Variants in GNA12 observed in about 807,000 individuals in gnomAD.
The protein encoded by GNA12 is guanine nucleotide-binding protein subunit alpha-12.
GNA12 carries 9 observed loss-of-function variants against 26.0 expected under a neutral mutation model. The ratio of observed to expected loss-of-function variants is 0.35; its 90% confidence interval spans 0.21 to 0.60. GNA12 has a LOEUF of 0.60. Among genes scored for constraint, GNA12 ranks in the 20% least tolerant of loss-of-function variants. GNA12 has a pLI of 0.78. For synonymous variants in GNA12, 264 were observed against 219.6 expected (o/e 1.20, Z -1.79); for missense variants, 405 against 525.8 (o/e 0.77, Z 2.25).
chr7:2,779,881 A>G (rs1317652630), intron 2 of GNA12, among the ~76,000 whole-genome samples: 2 of 152,040 alleles, frequency 1.3e-5, no homozygotes, highest in African/African-American at 4.8e-5. Context: ...TACAGGAGTG[A>G]GCCAGCAGGC....
At chr7:2,740,663 C>A (rs1790452828) in intron 2 of GNA12, among the ~76,000 whole-genome samples, 1 of 152,148 alleles carries the variant, frequency 6.6e-6, no homozygotes, top group South Asian at 2.1e-4. Context: ...TAATACTGGG[C>A]AATGGGTTTA....
At chr7:2,766,224 T>C (rs1479790583) in intron 2 of GNA12, among the ~76,000 whole-genome samples, 1 of 152,222 alleles carries the variant, frequency 6.6e-6, no homozygotes, top group African/African-American at 2.4e-5. Context: ...CTTCTGCGAC[T>C]GGCTTATTTC....
chr7:2,758,117 C>T (rs1791388860), intron 2 of GNA12, among the ~76,000 whole-genome samples: 1 of 152,138 alleles, frequency 6.6e-6, no homozygotes, highest in Non-Finnish European at 1.5e-5. Context: ...TTATGGAAAG[C>T]CCCTCTATTT....
chr7:2,753,477 A>T (rs957561653), intron 2 of GNA12, among the ~76,000 whole-genome samples: 1 of 152,090 alleles, frequency 6.6e-6, no homozygotes, highest in Non-Finnish European at 1.5e-5. Flanking sequence ...CACTCAACAT[A>T]ATGTCCTTGG....
chr7:2,765,412 G>T (rs1462163344), intron 2 of GNA12, among the ~76,000 whole-genome samples: 1 of 151,754 alleles, frequency 6.6e-6, no homozygotes, highest in Non-Finnish European at 1.5e-5. Flanking sequence ...GCCCGCCTCG[G>T]CCTCCTAAAA....
intron 2 of GNA12, among the ~76,000 whole-genome samples, chr7:2,779,505 C>CA (rs879328315): frequency 1.3e-3 from 187 of 142,302 alleles, no homozygotes; most frequent in African/African-American, 2.8e-3. Flanking sequence ...GTGAGACTCT[C>CA]AAAAAAAAAA....
chr7:2,756,135 A>T (rs1286379331), intron 2 of GNA12, among the ~76,000 whole-genome samples: 1 of 152,248 alleles, frequency 6.6e-6, no homozygotes, highest in Non-Finnish European at 1.5e-5. Context: ...AGAGTGCAGA[A>T]ACAGGCCCCC....
intron 1 of GNA12, among the ~76,000 whole-genome samples, chr7:2,795,951 G>A (rs527761908): frequency 6.6e-6 from 1 of 151,670 alleles, no homozygotes; most frequent in South Asian, 2.1e-4. Flanking sequence ...CTCCTAAGTA[G>A]CTAGGATTAC....
chr7:2,813,308 A>C (rs1793130515), intron 1 of GNA12, among the ~76,000 whole-genome samples: 1 of 152,248 alleles, frequency 6.6e-6, no homozygotes, highest in South Asian at 2.1e-4. Context: ...GGCTTTCTCC[A>C]CAGTCATGTT....
In GNA12 at chr7:2,844,170, A is replaced by AGGCCGC; in HGVS notation, c.-15_-10dup. ...CGCACCACCCCGGACATGGCCCCTC[A>AGGCCGC]GGCCGCGGCCGCGCCCCGCCGGCGC... On this transcript the variant is annotated 5_prime_UTR_variant, in exon 1 of 4. Transcript: ENST00000275364. The AGGCCGC allele has an allele frequency of 1.0e-6, 1 of 981,598 alleles. No homozygotes were observed. The highest frequency in any genetic ancestry group is 1.2e-6 in the Non-Finnish European group (1 of 829,062). 60.8% of individuals were successfully genotyped at this position (981,598 alleles called of 1,614,324 possible).
At chr7:2,770,599 G>A (rs1791922962) in intron 2 of GNA12, among the ~76,000 whole-genome samples, 1 of 152,114 alleles carries the variant, frequency 6.6e-6, no homozygotes, top group African/African-American at 2.4e-5. Flanking sequence ...AAAAGCCACT[G>A]AGCTCCAGCC....
chr7:2,840,062 A>G (rs138815936), intron 1 of GNA12, among the ~76,000 whole-genome samples: 33 of 152,242 alleles, frequency 2.2e-4, no homozygotes, highest in Middle Eastern at 3.4e-3. Context: ...AGTGGCTACA[A>G]AAGAGCAACA....
chr7:2,765,834 T>G (rs555491647), intron 2 of GNA12, among the ~76,000 whole-genome samples: 162 of 152,152 alleles, frequency 1.1e-3, no homozygotes, highest in African/African-American at 3.5e-3. Flanking sequence ...TTTCACCATG[T>G]TGGCCAGGCT....
intron 2 of GNA12, among the ~76,000 whole-genome samples, chr7:2,771,819 GATA>G (rs1267408420): frequency 6.6e-6 from 1 of 152,166 alleles, no homozygotes; most frequent in Non-Finnish European, 1.5e-5. Flanking sequence ...TAGCTCATGT[GATA>G]ATTGTATGTT....
intron 1 of GNA12, among the ~76,000 whole-genome samples, chr7:2,819,412 CAAAT>C (rs1280052444): frequency 3.9e-5 from 6 of 152,160 alleles, no homozygotes; most frequent in Non-Finnish European, 7.4e-5. Flanking sequence ...TAGGAGCTAA[CAAAT>C]AAATGTTTTA....
intron 1 of GNA12, among the ~76,000 whole-genome samples, chr7:2,827,524 T>C (rs1465816587): frequency 2.6e-5 from 4 of 152,148 alleles, no homozygotes; most frequent in Non-Finnish European, 4.4e-5. Context: ...GCACCTAAAC[T>C]GAGGGAATAA....
intron 1 of GNA12, among the ~76,000 whole-genome samples, chr7:2,837,835 G>GGTAATAAAAAAAAAAGGGACA (rs1778883721): frequency 6.7e-6 from 1 of 150,244 alleles, no homozygotes; most frequent in Non-Finnish European, 1.5e-5. Flanking sequence ...CATCAGAATA[G>GGTAATAAAAAAAAAAGGGACA]GTAATAAAAA....
intron 1 of GNA12, among the ~76,000 whole-genome samples, chr7:2,814,057 T>C (rs1793154309): frequency 1.3e-5 from 2 of 152,142 alleles, no homozygotes; most frequent in Admixed American, 1.3e-4. Context: ...TGGGACTGGA[T>C]GTCCACCATC....
intron 1 of GNA12, among the ~76,000 whole-genome samples, chr7:2,795,558 G>A (rs1361695662): frequency 6.6e-6 from 1 of 150,846 alleles, no homozygotes; most frequent in Non-Finnish European, 1.5e-5. Flanking sequence ...AGCCCAGGAG[G>A]TCAAGGCTAC....
Sources: gnomAD v4.1 joint callset for allele counts (sites outside exome capture counted in the v4.1 genomes callset) on GRCh38, gnomAD v4.1.1 for gene constraint, MANE v1.5 for transcripts, NCBI Gene and HGNC (gene_info 2026-07-23, HGNC 2026-07-21) for gene names.